PSD2: variants seen among roughly 807,000 people sequenced by gnomAD.
PSD2 encodes PH and SEC7 domain-containing protein 2.
Under a neutral mutation model 69.8 loss-of-function variants are expected in PSD2, and 38 were observed. The ratio of observed to expected loss-of-function variants is 0.54; its 90% CI spans 0.42 to 0.71. PSD2 has a LOEUF of 0.71. PSD2 is among the 30% of genes least tolerant of loss of function. PSD2 has a pLI of 0.00. For missense variants in PSD2, 943 were observed against 1,014.5 expected, an observed-to-expected ratio of 0.93 and a Z score of 0.96; for synonymous variants, 412 against 423.0, an observed-to-expected ratio of 0.97 and a Z score of 0.32.
chr5:139,810,633 T>C (rs996301037), intron 2 of PSD2, among the ~76,000 whole-genome samples: 4 of 152,146 alleles, frequency 2.6e-5, no homozygotes, highest in African/African-American at 9.7e-5. Context: ...TGGGCATTTG[T>C]GGCTGCACAT....
At chr5:139,754,558 G>A in the PSD2 span, among the ~76,000 whole-genome samples, 8 of 152,162 alleles carry the variant, frequency 5.3e-5, no homozygotes, top group South Asian at 2.1e-4. Context: ...TAGCTGGGGC[G>A]TGGTGGTGCG....
Position 139,844,343 on chromosome 5 carries a change from ATTAT to A in PSD2, c.*1876_*1879del, listed in dbSNP as rs560954917. On this transcript the variant is annotated 3_prime_UTR_variant, in exon 15 of 15. Coordinates refer to ENST00000274710, the MANE Select transcript of PSD2 (RefSeq NM_032289.4). ...TTTAGTTCACTTCCTTAATTGTATA[ATTAT>A]TTATTTGTAAATTATATACATGTAC... 1.3e-5 allele frequency: 2 copies of A among 152,234 alleles called. No individual in the cohort carries two copies. Among genetic ancestry groups the A allele is most frequent in the African/African-American group, 2.4e-5 (1 of 41,456 alleles). 9.4% of individuals were successfully genotyped at this position (152,234 alleles called of 1,614,324 possible). A position where few individuals can be genotyped will look rare whatever the true frequency, so the allele number is the denominator to read the frequency against.
rs901573604 is a variant in PSD2 at position 139,837,082 on chromosome 5, C to T, written c.1594+81C>T. On this transcript the variant is annotated intron_variant, in intron 10 of 14. Coordinates refer to ENST00000274710, the MANE Select transcript of PSD2 (RefSeq NM_032289.4). This position sits in a 1 kb window ranked among gnomAD's most constrained non-coding sequence, Gnocchi z 5.0. ...CCACGGGCCACTCTTTGGGGACGAA[C>T]ATACAGGTGGACACGTAGTGGGAGG... 3.1e-6 allele frequency: 5 copies of T among 1,595,642 alleles called. No homozygotes were observed. The African/African-American group carries it at 4.0e-5, about 13-fold the overall frequency.
chr5:139,817,704 G>A (rs1760155912), intron 5 of PSD2, 143 bp downstream of exon 5: 1 of 676,826 alleles, frequency 1.5e-6, no homozygotes, highest in African/African-American at 1.8e-5. Context: ...GGGGCCACAG[G>A]AGCAGCAGCG....
At position 139,835,731 on chromosome 5, in the gene PSD2, C is replaced by T. The variant is rs770845412; in HGVS notation, c.1368C>T (p.Tyr456=). 16 of 1,614,016 alleles carry T rather than the reference C, an allele frequency of 9.9e-6. No homozygotes were observed. Among genetic ancestry groups the T allele is most frequent in the Non-Finnish European group, 1.4e-5 (16 of 1,179,978 alleles). The change falls in exon 9 of 15, where the codon TAC becomes TAT. Residue 456 remains tyrosine, a synonymous_variant. Transcript: ENST00000274710. ...TCTTTTCCCTCTCCCAGACCCTTTA[C>T]AACTCCATCAAGAATGAAAAGCTGG... is the stretch of plus-strand genomic sequence containing the variant. ...DFAKDLLKTL[Y]NSIKNEKLEW... is the part of the protein sequence containing the mutation.
At chr5:139,770,407 T>C in the PSD2 span, among the ~76,000 whole-genome samples, 1 of 151,908 alleles carries the variant, frequency 6.6e-6, no homozygotes, top group Non-Finnish European at 1.5e-5. Context: ...AATACAAAAA[T>C]TAGCTGGTCG....
the PSD2 span, among the ~76,000 whole-genome samples, chr5:139,747,363 C>T: frequency 6.6e-6 from 1 of 152,176 alleles, no homozygotes. This position sits in a 1 kb window ranked among gnomAD's most constrained non-coding sequence, Gnocchi z 6.7. Context: ...GAGACGCAGC[C>T]TCCCCCCCAG....
At chr5:139,776,132 C>T in the PSD2 span, among the ~76,000 whole-genome samples, 50 of 152,358 alleles carry the variant, frequency 3.3e-4, no homozygotes, top group African/African-American at 1.1e-3. Flanking sequence ...AACATCCAGT[C>T]TCCTTCCTGA....
intron 1 of PSD2, among the ~76,000 whole-genome samples, chr5:139,802,740 C>G (rs1406847069): frequency 6.6e-6 from 1 of 152,152 alleles, no homozygotes; most frequent in Non-Finnish European, 1.5e-5. Context: ...GTGTTAAGGG[C>G]TCTTCAACCA....
At chr5:139,768,374 G>T in the PSD2 span, among the ~76,000 whole-genome samples, 3 of 152,328 alleles carry the variant, frequency 2.0e-5, no homozygotes, top group African/African-American at 7.2e-5. Flanking sequence ...GGCATAAAAA[G>T]AGAATGTGAC....
At chr5:139,822,651 ACGGGT>A in intron 6 of PSD2, 70 bp from the exon 7 acceptor site, 1 of 1,374,430 alleles carries the variant, frequency 7.3e-7, no homozygotes, top group South Asian at 1.3e-5. Context: ...AGGTCTCCTG[ACGGGT>A]TCCGTCAGGA....
chr5:139,797,028 TG>T (rs554205645), intron 1 of PSD2, among the ~76,000 whole-genome samples: 3 of 145,196 alleles, frequency 2.1e-5, no homozygotes, highest in African/African-American at 5.0e-5. Context: ...TGGTTGGGGG[TG>T]GGGGGGTTCA....
chr5:139,822,586 C>T (rs1238165957), intron 6 of PSD2, 140 bp from the exon 7 acceptor site: 8 of 633,032 alleles, frequency 1.3e-5, no homozygotes, highest in Admixed American at 3.5e-5. Context: ...GAGCGTCACA[C>T]AGGCCCTGTC....
chr5:139,840,035 A>C lies in PSD2; in HGVS notation c.1977A>C (p.Gln659His). The C allele has an allele frequency of 1.2e-6, 2 of 1,614,182 alleles. No homozygotes were observed. Among genetic ancestry groups the C allele is most frequent in the Non-Finnish European group, 8.5e-7 (1 of 1,180,034 alleles). The change falls in exon 14 of 15, where the codon CAA becomes CAC. Residue 659 changes from glutamine (Q) to histidine (H), a missense_variant. Physicochemically the swap from Gln to His is conservative, Grantham distance 24 (BLOSUM62 0). Around this residue, in one of 3 missense-constraint regions of PSD2, gnomAD observed 165 missense variants for 168.8 expected, o/e 0.98. Coordinates refer to ENST00000274710, the MANE Select transcript of PSD2 (RefSeq NM_032289.4). Reference protein sequence around the residue: ...SCTTRLCQEEQLRSHENKLRQ... With the variant: ...SCTTRLCQEEHLRSHENKLRQ... The stretch of plus-strand genomic sequence containing the variant: ...AGGATTTGTCTTTGCAGGAGGAGCA[A>C]CTGCGGTCTCATGAGAATAAGTTGA...
intron 7 of PSD2, among the ~76,000 whole-genome samples, chr5:139,828,677 G>T (rs1014305167): frequency 1.3e-5 from 2 of 152,186 alleles, no homozygotes; most frequent in Non-Finnish European, 2.9e-5. Context: ...TCCTGCTTCT[G>T]AAATGACCCT....
Position 139,818,410 on chromosome 5 carries a change from G to A in PSD2, c.1097+849G>A, listed in dbSNP as rs541891524. ...AAAGTAGAAAAATTAGCCAGGTATG[G>A]TGGTGCAGGCCTGTAGTCCCAGTTC... On this transcript the variant is annotated intron_variant, in intron 5 of 14. Transcript: ENST00000274710. 3.9e-5 allele frequency among the ~76,000 whole-genome samples: 6 copies of A among 152,172 alleles called. No individual in the cohort carries two copies. The South Asian group carries it at 6.2e-4, about 16-fold the overall frequency.
chr5:139,749,643 C>G, the PSD2 span, among the ~76,000 whole-genome samples: 1 of 152,214 alleles, frequency 6.6e-6, no homozygotes, highest in Non-Finnish European at 1.5e-5. Flanking sequence ...CTGCAGTTGT[C>G]CCCTGATCCC....
Position 139,806,000 on chromosome 5 carries a change from A to G in PSD2, c.-50-3391A>G, listed in dbSNP as rs112637630. 2.6e-3 allele frequency among the ~76,000 whole-genome samples: 395 copies of G among 152,290 alleles called. 2 individuals carry two copies. Among genetic ancestry groups the G allele is most frequent in the African/African-American group, 9.0e-3 (376 of 41,560 alleles). On this transcript the variant is annotated intron_variant, in intron 1 of 14. Coordinates refer to ENST00000274710, the MANE Select transcript of PSD2 (RefSeq NM_032289.4). The stretch of plus-strand genomic sequence containing the variant: ...TTGCTCAGGAGAGCTGAGACCCAGG[A>G]AGTGCTTGACTCTGCACTCAGCCCT...
chr5:139,770,081 C>T, the PSD2 span, among the ~76,000 whole-genome samples: 4 of 152,188 alleles, frequency 2.6e-5, no homozygotes, highest in African/African-American at 7.2e-5. Context: ...TGGTGATGCC[C>T]GTGAGCACAG....
Sources: gnomAD v4.1 joint callset for allele counts (sites outside exome capture counted in the v4.1 genomes callset) on GRCh38, gnomAD v4.1.1 for gene constraint, gnomAD v4.1.1 regional missense constraint, Gnocchi (gnomAD v3.1) non-coding constraint, MANE v1.5 for transcripts, NCBI Gene and HGNC (gene_info 2026-07-23, HGNC 2026-07-21) for gene names.